STPG2: variants seen among roughly 807,000 people sequenced by gnomAD.
The protein encoded by STPG2 is sperm-tail PG-rich repeat-containing protein 2.
In STPG2, 56 loss-of-function variants were observed where a neutral mutation model predicts 54.2. The observed-to-expected ratio is 1.03, with a 90% confidence interval of 0.83 to 1.29. STPG2 has a LOEUF of 1.29. Among genes scored for constraint, STPG2 ranks in the 50% most tolerant of loss-of-function variants. The pLI, the probability that STPG2 is intolerant of heterozygous loss-of-function variation, is 0.00. For synonymous variants in STPG2, 200 were observed against 181.8 expected, an observed-to-expected ratio of 1.10 and a Z score of -0.81; for missense variants, 596 against 544.9, an observed-to-expected ratio of 1.09 and a Z score of -0.93.
At chr4:97,734,663 G>C (rs1420096986) in intron 9 of STPG2, among the ~76,000 whole-genome samples, 1 of 152,090 alleles carries the variant, frequency 6.6e-6, no homozygotes, top group African/African-American at 2.4e-5. Flanking sequence ...AGGATCAAAT[G>C]TGGTGCAGGA....
chr4:97,663,009 T>A (rs1268304227), intron 10 of STPG2, among the ~76,000 whole-genome samples: 2 of 152,134 alleles, frequency 1.3e-5, no homozygotes, highest in African/African-American at 4.8e-5. Context: ...TCTTTTATGA[T>A]TTACCAACTA....
downstream of STPG2, among the ~76,000 whole-genome samples, chr4:97,555,284 T>G (rs1178367476): frequency 6.6e-6 from 1 of 152,180 alleles, no homozygotes; most frequent in Non-Finnish European, 1.5e-5. Flanking sequence ...ATTTCCCATG[T>G]ATACAGGAAG....
rs3974908 is a variant in STPG2 at position 97,764,112 on chromosome 4, GCACA to G, written c.1205-51302_1205-51299del. 7.9e-3 allele frequency among the ~76,000 whole-genome samples: 1,108 copies of G among 141,132 alleles called. 15 individuals are homozygous for G. Among genetic ancestry groups the G allele is most frequent in the South Asian group, 0.012 (53 of 4,364 alleles). The allele number at this position is 141,132 out of a possible 152,430, so 92.6% of individuals were successfully genotyped here. A position where few individuals can be genotyped will look rare whatever the true frequency, so the allele number is the denominator to read the frequency against. Reference sequence around the variant, plus strand: ...AAATCCAACCTCCACAACACCACATGCACACACACACACACACACACACACACAC... The same window carrying G: ...AAATCCAACCTCCACAACACCACATGCACACACACACACACACACACACAC... On this transcript the variant is annotated intron_variant, in intron 9 of 10. Transcript: ENST00000295268.
intron 4 of STPG2, among the ~76,000 whole-genome samples, chr4:97,472,801 T>C (rs1729970005): frequency 1.3e-5 from 2 of 152,108 alleles, no homozygotes; most frequent in South Asian, 4.1e-4. Context: ...AAAACTATGG[T>C]GACAATAAAA....
chr4:97,863,309 C>A (rs1313534054), intron 8 of STPG2, among the ~76,000 whole-genome samples: 1 of 152,158 alleles, frequency 6.6e-6, no homozygotes, highest in Admixed American at 6.6e-5. Context: ...TCAGAGAATA[C>A]TATAAACACC....
At chr4:97,545,157 C>T (rs1731807582) in intron 4 of STPG2, among the ~76,000 whole-genome samples, 4 of 152,072 alleles carry the variant, frequency 2.6e-5, no homozygotes, top group Non-Finnish European at 5.9e-5. Flanking sequence ...GCTTGGACAA[C>T]TAGGATTCAG....
intron 8 of STPG2, among the ~76,000 whole-genome samples, chr4:97,942,545 T>C (rs996817379): frequency 5.9e-5 from 9 of 152,128 alleles, no homozygotes; most frequent in Non-Finnish European, 1.3e-4. Context: ...CTGATGCTGA[T>C]TTTGACTACA....
chr4:97,566,153 C>T (rs1232700799), intron 10 of STPG2, among the ~76,000 whole-genome samples: 1 of 152,152 alleles, frequency 6.6e-6, no homozygotes, highest in African/African-American at 2.4e-5. Context: ...GGTGCCTCTC[C>T]CCCAGCCTCG....
At chr4:97,810,532 T>G (rs2149096697) in intron 9 of STPG2, among the ~76,000 whole-genome samples, 1 of 151,960 alleles carries the variant, frequency 6.6e-6, no homozygotes, top group East Asian at 1.9e-4. Context: ...AATATGTACT[T>G]ATCACTCCTC....
rs764682605 is a variant in STPG2, at chr4:97,559,042, T to C, written c.*16A>G. On this transcript the variant is annotated 3_prime_UTR_variant, in exon 11 of 11. Transcript: ENST00000295268. ...TTCCATGAAGTTGTTTTTTAAGTTT[T>C]TGCCATAAATTTATGTCACATTATA... The C allele has an allele frequency of 1.9e-6, 3 of 1,582,890 alleles. No individual in the cohort carries two copies. In the South Asian group the frequency reaches 3.5e-5, roughly 19 times the overall value.
At chr4:97,690,160 G>C (rs1010066277) in intron 10 of STPG2, among the ~76,000 whole-genome samples, 1 of 151,974 alleles carries the variant, frequency 6.6e-6, no homozygotes, top group African/African-American at 2.4e-5. Flanking sequence ...CTTTTACAAG[G>C]TGAAAACTGT....
downstream of STPG2, among the ~76,000 whole-genome samples, chr4:97,558,241 C>A (rs906902490): frequency 6.6e-6 from 1 of 152,108 alleles, no homozygotes; most frequent in South Asian, 2.1e-4. Context: ...ATGTTACTTA[C>A]TGATTTGTGG....
intron 2 of STPG2, among the ~76,000 whole-genome samples, chr4:98,129,120 T>TTAGAA (rs1395301454): frequency 3.3e-5 from 5 of 152,176 alleles, no homozygotes; most frequent in East Asian, 3.8e-4. Context: ...TCTATTAAAT[T>TTAGAA]TAGAATAGAA....
At chr4:97,541,016 C>G (rs547928047) in intron 4 of STPG2, among the ~76,000 whole-genome samples, 1 of 152,108 alleles carries the variant, frequency 6.6e-6, no homozygotes, top group Non-Finnish European at 1.5e-5. Flanking sequence ...CAATATCATA[C>G]TGAATGGGCA....
intron 5 of STPG2, among the ~76,000 whole-genome samples, chr4:97,991,310 A>G (rs978468998): frequency 1.3e-5 from 2 of 151,600 alleles, no homozygotes; most frequent in Admixed American, 6.6e-5. Context: ...GCACACACAC[A>G]CATATATATA....
chr4:97,456,912 T>TAAAAAAAAAAAAAAAAAAAA (rs1166086887), intron 4 of STPG2, among the ~76,000 whole-genome samples: 2 of 97,224 alleles, frequency 2.1e-5, no homozygotes, highest in African/African-American at 1.4e-4. Flanking sequence ...AAAAGAAAAT[T>TAAAAAAAAAAAAAAAAAAAA]AAAAAAAAAA....
At position 97,933,505 on chromosome 4, in the gene STPG2, T is replaced by C. The variant is rs1031123033; in HGVS notation, c.1044+10392A>G. The stretch of plus-strand genomic sequence containing the variant: ...GGTTTTTACGGTTTTGGGTTTTACA[T>C]TTAAGTCTTTAATCCATCTTGAGTT... On this transcript the variant is annotated intron_variant, in intron 8 of 10. Coordinates refer to ENST00000295268, the MANE Select transcript of STPG2 (RefSeq NM_174952.3). Among the ~76,000 whole-genome samples, 11 of 152,224 alleles carry C rather than the reference T, an allele frequency of 7.2e-5. No individual in the cohort carries two copies. In the East Asian group the frequency reaches 7.7e-4, roughly 11 times the overall value.
intron 4 of STPG2, among the ~76,000 whole-genome samples, chr4:97,531,228 G>A (rs1731407197): frequency 6.6e-6 from 1 of 152,168 alleles, no homozygotes; most frequent in African/African-American, 2.4e-5. Context: ...AGGATGTGGA[G>A]AAAAGGGAAC....
intron 7 of STPG2, among the ~76,000 whole-genome samples, chr4:97,966,862 C>G (rs1184631352): frequency 6.6e-6 from 1 of 152,134 alleles, no homozygotes; most frequent in Non-Finnish European, 1.5e-5. Flanking sequence ...GAAGGAAGCA[C>G]TAACCATGGA....
Sources: gnomAD v4.1 joint callset for allele counts (sites outside exome capture counted in the v4.1 genomes callset) on GRCh38, gnomAD v4.1.1 for gene constraint, MANE v1.5 for transcripts, NCBI Gene and HGNC (gene_info 2026-07-23, HGNC 2026-07-21) for gene names.